ADGRB3: variants seen among roughly 807,000 people sequenced by gnomAD.
ADGRB3 encodes brain-specific angiogenesis inhibitor 3.
Under a neutral mutation model 193.4 loss-of-function variants are expected in ADGRB3, and 37 were observed. The observed-to-expected ratio is 0.19, with a 90% confidence interval of 0.15 to 0.25. ADGRB3 has a LOEUF of 0.25. Ranked by LOEUF, ADGRB3 falls within the 10% of genes least tolerant of loss-of-function variation. The pLI is 1.00. For synonymous variants in ADGRB3, 690 were observed against 644.2 expected (o/e 1.07, Z -1.08); for missense variants, 1,637 against 1,852.9 (o/e 0.88, Z 2.14).
chr6:68,981,807 C>G (rs2150269012), intron 10 of ADGRB3, among the ~76,000 whole-genome samples: 1 of 151,382 alleles, frequency 6.6e-6, no homozygotes, highest in East Asian at 1.9e-4. Context: ...GATCACAACA[C>G]TTTTGGGGTT....
chr6:69,145,639 G>T (rs1774469941), intron 17 of ADGRB3, among the ~76,000 whole-genome samples: 1 of 152,182 alleles, frequency 6.6e-6, no homozygotes, highest in South Asian at 2.1e-4. Context: ...AGAAGTGGAG[G>T]ATAAGAAAGA....
chr6:68,951,112 G>T (rs938180271), intron 6 of ADGRB3, among the ~76,000 whole-genome samples: 15 of 151,986 alleles, frequency 9.9e-5, no homozygotes, highest in Admixed American at 5.9e-4. Flanking sequence ...ACATGTAAAA[G>T]ATTTTTTATT....
At chr6:69,002,433 G>T (rs1769608090) in intron 11 of ADGRB3, among the ~76,000 whole-genome samples, 1 of 151,932 alleles carries the variant, frequency 6.6e-6, no homozygotes, top group Non-Finnish European at 1.5e-5. Context: ...TGGCCACGAT[G>T]GTCTTGATCT....
At chr6:68,797,137 A>G (rs1400713246) in intron 3 of ADGRB3, among the ~76,000 whole-genome samples, 2 of 152,090 alleles carry the variant, frequency 1.3e-5, no homozygotes, top group African/African-American at 4.8e-5. Context: ...TCATCCCTGT[A>G]TTCATTCATT....
chr6:68,775,153 A>AAAAAAAG (rs2127358380), intron 3 of ADGRB3, among the ~76,000 whole-genome samples: 2 of 151,736 alleles, frequency 1.3e-5, no homozygotes, highest in African/African-American at 4.8e-5. Context: ...GTTAAAAAAA[A>AAAAAAAG]AAAAAAAAGT....
At chr6:68,974,125 G>A (rs530742611) in intron 8 of ADGRB3, among the ~76,000 whole-genome samples, 90 of 151,842 alleles carry the variant, frequency 5.9e-4, no homozygotes, top group Non-Finnish European at 1.1e-3. Context: ...GTGCCTTTTT[G>A]TTTGTTGGAA....
At chr6:69,120,116 T>A (rs1164161760) in intron 17 of ADGRB3, among the ~76,000 whole-genome samples, 1 of 152,236 alleles carries the variant, frequency 6.6e-6, no homozygotes, top group Non-Finnish European at 1.5e-5. Flanking sequence ...GGCAGAATGA[T>A]GTTGCCATTA....
At chr6:69,091,192 GA>G (rs1772694513) in intron 17 of ADGRB3, among the ~76,000 whole-genome samples, 1 of 152,296 alleles carries the variant, frequency 6.6e-6, no homozygotes, top group African/African-American at 2.4e-5. Flanking sequence ...CTGTTGATGG[GA>G]GTGTAAATTC....
chr6:69,231,754 G>T (rs1165472045), intron 17 of ADGRB3, among the ~76,000 whole-genome samples: 1 of 152,094 alleles, frequency 6.6e-6, no homozygotes, highest in African/African-American at 2.4e-5. Context: ...AGAAGTATTG[G>T]GGTAAAGTTA....
chr6:69,277,024 T>A (rs1413247211), intron 20 of ADGRB3, among the ~76,000 whole-genome samples: 2 of 148,504 alleles, frequency 1.3e-5, no homozygotes. Flanking sequence ...TTAGATGGAG[T>A]CTCGCTCTGT....
intron 20 of ADGRB3, among the ~76,000 whole-genome samples, chr6:69,241,496 A>G (rs1186620414): frequency 6.6e-6 from 1 of 151,978 alleles, no homozygotes; most frequent in South Asian, 2.1e-4. Flanking sequence ...GACGTTGTGT[A>G]GGTCTAAATG....
chr6:69,069,472 G>A (rs1339420014), intron 16 of ADGRB3, among the ~76,000 whole-genome samples: 1 of 148,122 alleles, frequency 6.8e-6, no homozygotes, highest in East Asian at 2.0e-4. Flanking sequence ...ATTATGGGGA[G>A]GCTGAGGCGG....
At chr6:68,665,713 C>A (rs9363961) in intron 3 of ADGRB3, among the ~76,000 whole-genome samples, 29,676 of 151,560 alleles carry the variant, frequency 0.2, 3,096 homozygotes, top group South Asian at 0.3. Context: ...TCTTTAAATT[C>A]TTCAAATTAA....
intron 3 of ADGRB3, among the ~76,000 whole-genome samples, chr6:68,791,946 A>C (rs1767115854): frequency 6.6e-6 from 1 of 152,192 alleles, no homozygotes; most frequent in African/African-American, 2.4e-5. Context: ...AAAATCTATG[A>C]AGGTTAATGC....
chr6:69,006,669 C>A (rs1008238853), intron 11 of ADGRB3, among the ~76,000 whole-genome samples: 1 of 151,734 alleles, frequency 6.6e-6, no homozygotes, highest in East Asian at 1.9e-4. Flanking sequence ...CCATGCCTAG[C>A]TAATTTTTTT....
At chr6:69,248,264 G>A (rs1215982720) in intron 20 of ADGRB3, among the ~76,000 whole-genome samples, 2 of 152,032 alleles carry the variant, frequency 1.3e-5, no homozygotes, top group Non-Finnish European at 2.9e-5. Context: ...ATGTTTATGA[G>A]AATTCTTAAT....
intron 3 of ADGRB3, among the ~76,000 whole-genome samples, chr6:68,779,326 G>A (rs1473643263): frequency 2.0e-5 from 3 of 151,102 alleles, no homozygotes; most frequent in Non-Finnish European, 4.4e-5. Context: ...AGCAGATGTA[G>A]CAGAGTTATC....
intron 3 of ADGRB3, among the ~76,000 whole-genome samples, chr6:68,735,246 A>G (rs1765849136): frequency 6.6e-6 from 1 of 152,060 alleles, no homozygotes; most frequent in South Asian, 2.1e-4. Flanking sequence ...TACTTAAAAT[A>G]TAAAATACAA....
intron 16 of ADGRB3, among the ~76,000 whole-genome samples, chr6:69,063,674 C>A (rs1268986708): frequency 6.6e-6 from 1 of 151,854 alleles, no homozygotes; most frequent in African/African-American, 2.4e-5. Context: ...CCTAGGTGAT[C>A]GCATTGTCTA....
Sources: allele counts gnomAD v4.1 joint callset (sites outside exome capture counted in the v4.1 genomes callset), GRCh38; gene constraint gnomAD v4.1.1; transcripts MANE v1.5; gene names NCBI Gene and HGNC (gene_info 2026-07-23, HGNC 2026-07-21).